The following DNER variants were observed in gnomAD, a reference collection of about 807,000 sequenced individuals.
DNER encodes delta/notch like EGF repeat containing, also known as delta and Notch-like epidermal growth factor-related receptor.
Under a neutral mutation model 78.2 loss-of-function variants are expected in DNER, and 33 were observed. That is an observed-to-expected ratio of 0.42 (90% CI 0.32 to 0.56). The LOEUF is 0.56. Among genes scored for constraint, DNER ranks in the 20% least tolerant of loss-of-function variants. The pLI, the probability that DNER is intolerant of heterozygous loss-of-function variation, is 0.11. For synonymous variants in DNER, 417 were observed against 384.8 expected, an observed-to-expected ratio of 1.08 and a Z score of -0.98; for missense variants, 918 against 975.3, an observed-to-expected ratio of 0.94 and a Z score of 0.78.
chr2:229,361,318 C>T (rs550590184), intron 12 of DNER, among the ~76,000 whole-genome samples: 179 of 151,716 alleles, frequency 1.2e-3, no homozygotes, highest in Middle Eastern at 6.8e-3. Context: ...ATAACTACTA[C>T]TTTTTATCAT....
chr2:229,700,284 A>ATGTGTGTGTGCATGTGTGTG (rs746705367), intron 1 of DNER, among the ~76,000 whole-genome samples: 35 of 36,580 alleles, frequency 9.6e-4, no homozygotes, highest in African/African-American at 2.2e-3. Context: ...ATGTCAATAT[A>ATGTGTGTGTGCATGTGTGTG]TGTGTGTGTG....
intron 6 of DNER, among the ~76,000 whole-genome samples, chr2:229,480,187 G>A (rs1217596983): frequency 6.6e-6 from 1 of 152,104 alleles, no homozygotes; most frequent in African/African-American, 2.4e-5. Context: ...AGAGAGATGA[G>A]GTTATAAACC....
intron 5 of DNER, among the ~76,000 whole-genome samples, chr2:229,513,420 C>T (rs758279217): frequency 2.6e-5 from 4 of 152,152 alleles, no homozygotes; most frequent in Admixed American, 6.5e-5. Flanking sequence ...TTCAACTGGC[C>T]TCAATGTACA....
intron 1 of DNER, among the ~76,000 whole-genome samples, chr2:229,627,678 G>GA (rs1484773555): frequency 2.0e-5 from 3 of 152,264 alleles, no homozygotes; most frequent in African/African-American, 4.8e-5. Context: ...TTTGTTTGCT[G>GA]AAAAAACAAG....
At chr2:229,683,981 A>T (rs1283290249) in intron 1 of DNER, among the ~76,000 whole-genome samples, 2 of 152,118 alleles carry the variant, frequency 1.3e-5, no homozygotes, top group African/African-American at 4.8e-5. Flanking sequence ...GGAGAGATGA[A>T]TAAGACACCT....
chr2:229,515,513 A>C (rs938162956), intron 5 of DNER, among the ~76,000 whole-genome samples: 6 of 152,218 alleles, frequency 3.9e-5, no homozygotes, highest in African/African-American at 1.2e-4. Context: ...TATTGCGGAT[A>C]AATTTGCTTG....
chr2:229,517,040 G>C (rs1273163866), intron 5 of DNER, among the ~76,000 whole-genome samples: 1 of 149,360 alleles, frequency 6.7e-6, no homozygotes, highest in Non-Finnish European at 1.5e-5. Context: ...GAACCCAAGA[G>C]GCAGAGGATG....
intron 7 of DNER, among the ~76,000 whole-genome samples, chr2:229,463,993 A>G (rs1694753714): frequency 6.6e-6 from 1 of 152,194 alleles, no homozygotes; most frequent in Admixed American, 6.5e-5. Flanking sequence ...ACCAGCTCTA[A>G]CTGTGGCAGA....
At chr2:229,590,388 C>T (rs1697580649) in intron 2 of DNER, among the ~76,000 whole-genome samples, 1 of 152,198 alleles carries the variant, frequency 6.6e-6, no homozygotes, top group Admixed American at 6.5e-5. Context: ...ATGTCAAAAT[C>T]ATTGATAGCT....
chr2:229,656,886 A>G (rs1398660455), intron 1 of DNER, among the ~76,000 whole-genome samples: 1 of 152,208 alleles, frequency 6.6e-6, no homozygotes, highest in African/African-American at 2.4e-5. Context: ...AAAATTGTAT[A>G]TATTTGAAGT....
intron 7 of DNER, among the ~76,000 whole-genome samples, chr2:229,454,073 G>A (rs1358512576): frequency 6.6e-6 from 1 of 152,164 alleles, no homozygotes; most frequent in Non-Finnish European, 1.5e-5. Flanking sequence ...GATGAGAGAC[G>A]GCATGGAGCA....
At chr2:229,410,179 C>G (rs1430284931) in intron 9 of DNER, among the ~76,000 whole-genome samples, 1 of 152,156 alleles carries the variant, frequency 6.6e-6, no homozygotes, top group Non-Finnish European at 1.5e-5. Flanking sequence ...CCTCTCTCTG[C>G]AAAGCTGAAC....
chr2:229,667,722 A>C (rs181975164), intron 1 of DNER, among the ~76,000 whole-genome samples: 1 of 152,346 alleles, frequency 6.6e-6, no homozygotes, highest in African/African-American at 2.4e-5. Context: ...GAAAGCTGAG[A>C]TACTTTCATA....
chr2:229,693,927 A>T (rs2154217453), intron 1 of DNER, among the ~76,000 whole-genome samples: 1 of 152,370 alleles, frequency 6.6e-6, no homozygotes, highest in East Asian at 1.9e-4. Flanking sequence ...TCTCCAGGGC[A>T]TGTCAGAGAC....
At chr2:229,499,016 A>G (rs1695557276) in intron 6 of DNER, among the ~76,000 whole-genome samples, 1 of 152,232 alleles carries the variant, frequency 6.6e-6, no homozygotes, top group African/African-American at 2.4e-5. Context: ...AAAATATACT[A>G]CAAAACTATA....
chr2:229,592,851 T>C (rs1424252266), intron 1 of DNER, among the ~76,000 whole-genome samples: 2 of 152,176 alleles, frequency 1.3e-5, no homozygotes, highest in African/African-American at 4.8e-5. Context: ...AAAACAGAAT[T>C]CAGTAGAGAA....
At chr2:229,613,617 T>A (rs1182828949) in intron 1 of DNER, among the ~76,000 whole-genome samples, 1 of 151,474 alleles carries the variant, frequency 6.6e-6, no homozygotes, top group Non-Finnish European at 1.5e-5. Flanking sequence ...TTGTTTTTAC[T>A]ATACTCTACA....
At chr2:229,603,018 T>C (rs1458050310) in intron 1 of DNER, among the ~76,000 whole-genome samples, 2 of 152,028 alleles carry the variant, frequency 1.3e-5, no homozygotes, top group Non-Finnish European at 2.9e-5. Context: ...GGCAGAAAGA[T>C]GAACAAATAG....
chr2:229,597,340 C>T (rs2052304), intron 1 of DNER, among the ~76,000 whole-genome samples: 55,496 of 152,052 alleles, frequency 0.36, 10,303 homozygotes, highest in East Asian at 0.5. Context: ...AGATAAGGTG[C>T]AATCATTAAC....
Sources: allele counts gnomAD v4.1 joint callset (sites outside exome capture counted in the v4.1 genomes callset), GRCh38; gene constraint gnomAD v4.1.1; transcripts MANE v1.5; gene names NCBI Gene and HGNC (gene_info 2026-07-23, HGNC 2026-07-21).